Variants in ERP44 observed in about 807,000 individuals in gnomAD.
The protein encoded by ERP44 is endoplasmic reticulum resident protein 44.
ERP44 carries 25 observed loss-of-function variants against 53.4 expected under a neutral mutation model. The ratio of observed to expected loss-of-function variants is 0.47; its 90% CI spans 0.34 to 0.65. ERP44 has a LOEUF of 0.65. Ranked by LOEUF, ERP44 falls within the 30% of genes least tolerant of loss-of-function variation. ERP44 has a pLI of 0.01. For synonymous variants in ERP44, 145 were observed against 161.2 expected, an observed-to-expected ratio of 0.90 and a Z score of 0.76; for missense variants, 338 against 493.2, an observed-to-expected ratio of 0.69 and a Z score of 2.98.
intron 10 of ERP44, among the ~76,000 whole-genome samples, chr9:99,988,883 C>G (rs2118602565): frequency 6.6e-6 from 1 of 152,348 alleles, no homozygotes; most frequent in East Asian, 1.9e-4. Flanking sequence ...GATTATATCC[C>G]ACACCTGGCT....
chr9:100,034,738 C>T (rs1400984172), intron 4 of ERP44, among the ~76,000 whole-genome samples: 3 of 152,036 alleles, frequency 2.0e-5, no homozygotes, highest in Non-Finnish European at 4.4e-5. Context: ...TAAATTCATA[C>T]AGAACCAAAA....
intron 1 of ERP44, among the ~76,000 whole-genome samples, chr9:100,087,318 A>G (rs1826496152): frequency 6.6e-6 from 1 of 152,232 alleles, no homozygotes; most frequent in South Asian, 2.1e-4. Context: ...TGGCATAATG[A>G]CAATGTAATT....
rs971532253 is a variant in ERP44, at chr9:99,982,385, G to C, written c.*227C>G. ...CAGGACAGATTTAAAGTGGAGATAG[G>C]CCTCTGATTTTTATTTTTAAATCCT... On this transcript the variant is annotated 3_prime_UTR_variant, in exon 12 of 12. Coordinates refer to ENST00000262455, the MANE Select transcript of ERP44 (RefSeq NM_015051.3). The C allele has an allele frequency of 4.3e-6, 1 of 230,790 alleles. No individual in the cohort carries two copies. Among genetic ancestry groups the C allele is most frequent in the African/African-American group, 2.3e-5 (1 of 42,684 alleles). 14.3% of individuals were successfully genotyped at this position (230,790 alleles called of 1,614,324 possible).
chr9:100,041,396 G>A (rs567301592), intron 4 of ERP44, among the ~76,000 whole-genome samples: 3 of 152,216 alleles, frequency 2.0e-5, no homozygotes, highest in South Asian at 2.1e-4. Flanking sequence ...CAGGCCAGGC[G>A]CAGTGGCTCA....
chr9:100,001,020 A>T (rs898885063), intron 10 of ERP44, among the ~76,000 whole-genome samples: 1 of 152,082 alleles, frequency 6.6e-6, no homozygotes, highest in African/African-American at 2.4e-5. Flanking sequence ...GCTGCTTCCC[A>T]TAAGTTTTGT....
chr9:100,080,849 C>T (rs1826414479), intron 1 of ERP44, among the ~76,000 whole-genome samples: 2 of 151,980 alleles, frequency 1.3e-5, no homozygotes, highest in Non-Finnish European at 2.9e-5. Flanking sequence ...TAACATAATA[C>T]AGCATCTTAA....
chr9:100,018,108 G>T, intron 7 of ERP44, 148 bp downstream of exon 7: 1 of 587,910 alleles, frequency 1.7e-6, no homozygotes. Flanking sequence ...TCATTTTGAA[G>T]GGTTTAGATC....
intron 1 of ERP44, among the ~76,000 whole-genome samples, chr9:100,066,610 A>G (rs77745096): frequency 6.6e-6 from 1 of 152,232 alleles, no homozygotes; most frequent in Non-Finnish European, 1.5e-5. Context: ...ACCAGGCAAC[A>G]GTTATCTTCC....
chr9:100,069,599 A>G (rs1296942334), intron 1 of ERP44, among the ~76,000 whole-genome samples: 4 of 152,150 alleles, frequency 2.6e-5, no homozygotes, highest in Non-Finnish European at 5.9e-5. Flanking sequence ...CCATCTCAAA[A>G]TAGATATATT....
chr9:100,034,291 T>C (rs1825826780), intron 4 of ERP44, among the ~76,000 whole-genome samples: 2 of 152,276 alleles, frequency 1.3e-5, no homozygotes, highest in Admixed American at 1.3e-4. Flanking sequence ...TGCATTATCA[T>C]GCTAAAAAAC....
At chr9:99,984,235 A>C (rs751175965) in intron 11 of ERP44, among the ~76,000 whole-genome samples, 1 of 152,136 alleles carries the variant, frequency 6.6e-6, no homozygotes, top group Non-Finnish European at 1.5e-5. Flanking sequence ...AATGGATTTA[A>C]GTTCTGAGCA....
chr9:100,028,423 A>C (rs2118666542), intron 4 of ERP44, among the ~76,000 whole-genome samples: 1 of 152,322 alleles, frequency 6.6e-6, no homozygotes, highest in South Asian at 2.1e-4. Context: ...AAATGATAAG[A>C]CTGCAGAAGA....
At chr9:100,068,459 G>A (rs1270657956) in intron 1 of ERP44, among the ~76,000 whole-genome samples, 50 of 130,858 alleles carry the variant, frequency 3.8e-4, no homozygotes, top group Non-Finnish European at 7.4e-4. Context: ...CTGCCCGGCC[G>A]CCCCTACTGG....
intron 4 of ERP44, among the ~76,000 whole-genome samples, chr9:100,031,994 G>A (rs1246104378): frequency 1.3e-5 from 2 of 152,176 alleles, no homozygotes; most frequent in African/African-American, 4.8e-5. Context: ...GGCAGTTATA[G>A]TTTAATACTT....
rs774733634 is a variant in ERP44 at position 100,020,688 on chromosome 9, G to A, written c.515C>T (p.Ser172Leu). 1.6e-5 allele frequency: 25 copies of A among 1,608,904 alleles called. No individual in the cohort carries two copies. In the South Asian group the frequency reaches 1.8e-4, roughly 11 times the overall value. Residue 172 changes from serine (S) to leucine (L), a missense_variant, in exon 6 of 12, where the codon TCG (serine) becomes TTG (leucine). Ser to Leu is a moderately radical substitution (Grantham distance 145). Coordinates refer to ENST00000262455, the MANE Select transcript of ERP44 (RefSeq NM_015051.3). ...NIIGYFEQKD[S>L]DNYRVFERVA... ...TCGTTCAAAAACTCTATAGTTGTCC[G>A]AGTCCTTTTGCTCAAAATATCCAAT...
chr9:100,023,700 G>A (rs1312380395), intron 4 of ERP44, among the ~76,000 whole-genome samples: 3 of 152,006 alleles, frequency 2.0e-5, no homozygotes. Flanking sequence ...TCCCGCCTCA[G>A]CCTCCCAAAG....
chr9:100,072,438 A>G (rs1647457455), intron 1 of ERP44, among the ~76,000 whole-genome samples: 1 of 152,122 alleles, frequency 6.6e-6, no homozygotes, highest in South Asian at 2.1e-4. Flanking sequence ...TGGGAGGTAG[A>G]GAGAAAAGAC....
At chr9:100,053,871 C>CA (rs1826062546) in intron 3 of ERP44, among the ~76,000 whole-genome samples, 1 of 152,138 alleles carries the variant, frequency 6.6e-6, no homozygotes, top group Non-Finnish European at 1.5e-5. Flanking sequence ...CCTTTTCCAC[C>CA]AAATTTACTT....
chr9:100,067,592 C>T (rs568137703), intron 1 of ERP44, among the ~76,000 whole-genome samples: 1 of 152,328 alleles, frequency 6.6e-6, no homozygotes, highest in Admixed American at 6.5e-5. Context: ...GCTGAGATTG[C>T]AGCCTCTGCC....
Sources: allele counts gnomAD v4.1 joint callset (sites outside exome capture counted in the v4.1 genomes callset), GRCh38; gene constraint gnomAD v4.1.1; transcripts MANE v1.5; gene names NCBI Gene and HGNC (gene_info 2026-07-23, HGNC 2026-07-21).